Variants in ADGRB3 observed in about 807,000 individuals in gnomAD.
ADGRB3 encodes brain-specific angiogenesis inhibitor 3.
Under a neutral mutation model 193.4 loss-of-function variants are expected in ADGRB3, and 37 were observed. The observed-to-expected ratio is 0.19, with a 90% CI of 0.15 to 0.25. The LOEUF is 0.25. ADGRB3 is among the 10% of genes least tolerant of loss of function. The pLI is 1.00. For missense variants in ADGRB3, 1,637 were observed against 1,852.9 expected (o/e 0.88, Z 2.14); for synonymous variants, 690 against 644.2 (o/e 1.07, Z -1.08).
Position 69,233,363 on chromosome 6 carries a change from T to A in ADGRB3, c.2554T>A (p.Leu852Ile). 6.2e-7 allele frequency: 1 copy of A among 1,614,094 alleles called. No individual in the cohort carries two copies. Among genetic ancestry groups the A allele is most frequent in the Non-Finnish European group, 8.5e-7 (1 of 1,179,976 alleles). ...TACCGATGCATCCCATACGAAATGCTTATGTGATCGTCTCTCTACCTTCGC... is the reference window on the plus strand; with the variant it reads ...TACCGATGCATCCCATACGAAATGCATATGTGATCGTCTCTCTACCTTCGC... The part of the protein sequence containing the change: ...VLTDASHTKC[L>I]CDRLSTFAIL... Residue 852 changes from leucine (L) to isoleucine (I), a missense_variant, in exon 18 of 32, where the codon TTA (leucine) becomes ATA (isoleucine). By Grantham distance (5) the Leu-to-Ile change is conservative. Transcript: ENST00000370598.
intron 19 of ADGRB3, among the ~76,000 whole-genome samples, chr6:69,235,942 T>C (rs1312438077): frequency 6.6e-6 from 1 of 151,850 alleles, no homozygotes; most frequent in African/African-American, 2.4e-5. Flanking sequence ...TTATATCCAC[T>C]TTTATTATTG....
chr6:68,930,605 A>G lies in ADGRB3; in HGVS notation c.804A>G (p.Arg268=). The part of the protein sequence containing the change: ...GDHTIKSQRP[R]SVHEKRVPQE... ...ATACAATTAAAAGTCAGCGACCTCG[A>G]TCTGTTCATGAAAAAAGGGTCCCTC... The change falls in exon 4 of 32, where the codon CGA becomes CGG. Residue 268 remains arginine (R), a synonymous_variant. Transcript: ENST00000370598. 6.2e-7 allele frequency: 1 copy of G among 1,613,026 alleles called. No individual in the cohort carries two copies. The highest frequency in any genetic ancestry group is 8.5e-7 in the Non-Finnish European group (1 of 1,179,432).
chr6:68,849,234 A>C (rs543746650), intron 3 of ADGRB3, among the ~76,000 whole-genome samples: 1 of 152,108 alleles, frequency 6.6e-6, no homozygotes, highest in South Asian at 2.1e-4. Flanking sequence ...TATTTGTATT[A>C]ATACGTTTAA....
rs1562023561 is a variant in ADGRB3 at position 68,772,953 on chromosome 6, A to AAT, written c.757+133522_757+133523insTA. Reference sequence around the variant, plus strand: ...TATATACATACACACACAAAAATAAAAAATAAAAATAAAATAGACAGGCAT... The same window carrying AAT: ...TATATACATACACACACAAAAATAAAATAAATAAAAATAAAATAGACAGGCAT... On this transcript the variant is annotated intron_variant, in intron 3 of 31. Transcript: ENST00000370598. Among the ~76,000 whole-genome samples the AAT allele has an allele frequency of 3.6e-5, 5 of 139,684 alleles. 1 individual carries two copies. Among genetic ancestry groups the AAT allele is most frequent in the African/African-American group, 1.4e-4 (5 of 36,178 alleles). 91.6% of individuals were successfully genotyped at this position (139,684 alleles called of 152,430 possible). A position where few individuals can be genotyped will look rare whatever the true frequency, so the allele number is the denominator to read the frequency against.
At chr6:68,695,409 A>G (rs1582129278) in intron 3 of ADGRB3, among the ~76,000 whole-genome samples, 1 of 152,016 alleles carries the variant, frequency 6.6e-6, no homozygotes, top group Non-Finnish European at 1.5e-5. Flanking sequence ...ATTTACCACT[A>G]ATGGGAGACA....
intron 3 of ADGRB3, among the ~76,000 whole-genome samples, chr6:68,822,038 T>C (rs1308001324): frequency 6.6e-6 from 1 of 151,812 alleles, no homozygotes; most frequent in African/African-American, 2.4e-5. Context: ...ATACAGCTAG[T>C]AGGTAAGAGT....
chr6:69,283,962 C>T (rs1002403953), intron 20 of ADGRB3, among the ~76,000 whole-genome samples: 1 of 152,140 alleles, frequency 6.6e-6, no homozygotes, highest in Non-Finnish European at 1.5e-5. Context: ...GTAAGCTCTT[C>T]CCTGAAAAGA....
At chr6:69,072,197 T>G (rs1375815768) in intron 16 of ADGRB3, among the ~76,000 whole-genome samples, 1 of 152,158 alleles carries the variant, frequency 6.6e-6, no homozygotes, top group Non-Finnish European at 1.5e-5. Flanking sequence ...GTCTCACATA[T>G]TGGTGACTAT....
intron 3 of ADGRB3, among the ~76,000 whole-genome samples, chr6:68,927,108 A>G (rs966613420): frequency 2.6e-5 from 4 of 152,142 alleles, no homozygotes; most frequent in African/African-American, 9.7e-5. Flanking sequence ...CATTGATAAC[A>G]TCAACATAAA....
At chr6:69,104,618 T>G (rs1444727965) in intron 17 of ADGRB3, among the ~76,000 whole-genome samples, 2 of 152,120 alleles carry the variant, frequency 1.3e-5, no homozygotes, top group Non-Finnish European at 2.9e-5. Context: ...TGTTGCTCTT[T>G]TCTATAATAT....
intron 17 of ADGRB3, among the ~76,000 whole-genome samples, chr6:69,127,991 T>C (rs1256717215): frequency 6.6e-6 from 1 of 151,990 alleles, no homozygotes; most frequent in Non-Finnish European, 1.5e-5. Flanking sequence ...ACTAAAGCCA[T>C]CTCTCTCGAG....
intron 16 of ADGRB3, among the ~76,000 whole-genome samples, chr6:69,070,029 T>C (rs1340595546): frequency 6.6e-6 from 1 of 152,116 alleles, no homozygotes; most frequent in East Asian, 1.9e-4. Context: ...ACAGATCAAA[T>C]GTCCAACTCA....
In ADGRB3 at chr6:68,813,471, AC is replaced by A. The variant is rs1767560042; in HGVS notation, c.758-117086del. On this transcript the variant is annotated intron_variant, in intron 3 of 31. Transcript: ENST00000370598. ...CCAGCTTTAAAAAATAACATATTAG[AC>A]CTAATATTACCTGTAGCAAGTATGT... Among the ~76,000 whole-genome samples the A allele has an allele frequency of 2.0e-5, 3 of 152,150 alleles. No individual in the cohort carries two copies. In the South Asian group the frequency reaches 6.3e-4, roughly 32 times the overall value.
In ADGRB3 at chr6:68,956,778, A is replaced by C. The variant is rs763713067; in HGVS notation, c.1494A>C (p.Glu498Asp). 6.2e-7 allele frequency: 1 copy of C among 1,614,018 alleles called. No homozygotes were observed. The highest frequency in any genetic ancestry group is 8.5e-7 in the Non-Finnish European group (1 of 1,179,924). Residue 498 changes from glutamate to aspartate, a missense_variant, in exon 8 of 32, where the codon GAA becomes GAC. By Grantham distance (45) the Glu-to-Asp change is conservative. Transcript: ENST00000370598. ...TGQQCEGTGE[E>D]VRRCNEQRCP... ...AGCAATGTGAAGGAACGGGCGAAGA[A>C]GTGAGAAGATGCAATGAGCAGCGAT...
At position 68,932,289 on chromosome 6, in the gene ADGRB3, A is replaced by G. The variant is rs9360366; in HGVS notation, c.868+1620A>G. ...ATAGTTTTAAATTTCCAATAGCGTAACATGATTAGTTTATGTGTAAATATT... is the reference window on the plus strand; with the variant it reads ...ATAGTTTTAAATTTCCAATAGCGTAGCATGATTAGTTTATGTGTAAATATT... On this transcript the variant is annotated intron_variant, in intron 4 of 31. Coordinates refer to ENST00000370598, the MANE Select transcript of ADGRB3 (RefSeq NM_001704.3). Among the ~76,000 whole-genome samples the G allele has an allele frequency of 2.2e-3, 329 of 152,338 alleles. 2 individuals are homozygous for G. The East Asian group carries it at 0.047, about 22-fold the overall frequency.
At chr6:69,384,489 G>A (rs1230895293) in intron 31 of ADGRB3, among the ~76,000 whole-genome samples, 1 of 152,012 alleles carries the variant, frequency 6.6e-6, no homozygotes, top group East Asian at 1.9e-4. Context: ...CTTAAAAAAG[G>A]AGAGGGTTAT....
chr6:68,985,069 A>G (rs976174673), intron 10 of ADGRB3, among the ~76,000 whole-genome samples: 1 of 149,912 alleles, frequency 6.7e-6, no homozygotes, highest in Admixed American at 6.7e-5. Context: ...GCTGCATTGT[A>G]CAACCTGAAG....
intron 15 of ADGRB3, among the ~76,000 whole-genome samples, chr6:69,056,644 A>G (rs1771552864): frequency 6.6e-6 from 1 of 151,998 alleles, no homozygotes; most frequent in African/African-American, 2.4e-5. Context: ...GTTGTTTTTT[A>G]TATGGTGTAG....
At chr6:69,321,631 G>A (rs1305031375) in intron 20 of ADGRB3, among the ~76,000 whole-genome samples, 1 of 151,738 alleles carries the variant, frequency 6.6e-6, no homozygotes, top group Non-Finnish European at 1.5e-5. Flanking sequence ...ATCACTGGGG[G>A]CTTACTGATG....
Sources: gnomAD v4.1 joint callset for allele counts (sites outside exome capture counted in the v4.1 genomes callset) on GRCh38, gnomAD v4.1.1 for gene constraint, MANE v1.5 for transcripts, NCBI Gene and HGNC (gene_info 2026-07-23, HGNC 2026-07-21) for gene names.